Variants in PIK3C2G observed in about 807,000 individuals in gnomAD.
PIK3C2G encodes phosphatidylinositol-4-phosphate 3-kinase catalytic subunit type 2 gamma, also known as phosphatidylinositol 3-kinase C2 domain-containing subunit gamma.
Under a neutral mutation model 181.1 loss-of-function variants are expected in PIK3C2G, and 168 were observed. That is an observed-to-expected ratio of 0.93 (90% CI 0.82 to 1.05). The LOEUF is 1.05. Ranked by LOEUF, PIK3C2G falls within the 50% of genes least tolerant of loss-of-function variation. The pLI, the probability that PIK3C2G is intolerant of heterozygous loss-of-function variation, is 0.00. For missense variants in PIK3C2G, 1,869 were observed against 1,732.8 expected, an observed-to-expected ratio of 1.08 and a Z score of -1.40; for synonymous variants, 573 against 592.2, an observed-to-expected ratio of 0.97 and a Z score of 0.47.
the PIK3C2G span, among the ~76,000 whole-genome samples, chr12:18,719,202 T>C: frequency 1.3e-5 from 2 of 152,034 alleles, no homozygotes; most frequent in Non-Finnish European, 2.9e-5. Context: ...GGTTAACAGG[T>C]GGGATTAGAA....
At chr12:18,701,689 T>G in the PIK3C2G span, 22 of 1,610,370 alleles carry the variant, frequency 1.4e-5, no homozygotes, top group Non-Finnish European at 1.9e-5. Context: ...TCCTCCACCT[T>G]ACCACGCTTA....
chr12:18,620,566 A>G (rs990479970), intron 31 of PIK3C2G, among the ~76,000 whole-genome samples: 2 of 149,832 alleles, frequency 1.3e-5, no homozygotes, highest in African/African-American at 4.9e-5. Context: ...AGATAGATAG[A>G]TAGGTAACCA....
chr12:18,367,504 A>C (rs536419785), intron 12 of PIK3C2G, among the ~76,000 whole-genome samples: 2 of 152,190 alleles, frequency 1.3e-5, no homozygotes, highest in East Asian at 3.9e-4. Flanking sequence ...CAGTTCTCAC[A>C]GTGTCATAAA....
chr12:18,538,653 CTA>C (rs1943992775), intron 25 of PIK3C2G, among the ~76,000 whole-genome samples: 1 of 151,888 alleles, frequency 6.6e-6, no homozygotes, highest in African/African-American at 2.4e-5. Context: ...CTTATATATA[CTA>C]TCTCATTTAT....
At chr12:18,533,407 T>G (rs1424206600) in intron 24 of PIK3C2G, among the ~76,000 whole-genome samples, 1 of 152,046 alleles carries the variant, frequency 6.6e-6, no homozygotes, top group African/African-American at 2.4e-5. Context: ...TATCGTGAAA[T>G]CCTATTGATT....
the PIK3C2G span, chr12:18,694,825 A>T: frequency 9.2e-7 from 1 of 1,081,224 alleles, no homozygotes; most frequent in Non-Finnish European, 1.3e-6. Context: ...AAATTGAAGC[A>T]AATCAGTGGA....
intron 16 of PIK3C2G, among the ~76,000 whole-genome samples, chr12:18,406,044 C>T (rs1257823943): frequency 6.6e-6 from 1 of 152,180 alleles, no homozygotes; most frequent in Non-Finnish European, 1.5e-5. Context: ...TTTCTCCTCT[C>T]CCCAAAGCCT....
At chr12:18,506,723 A>C (rs1301500540) in intron 24 of PIK3C2G, among the ~76,000 whole-genome samples, 1 of 152,248 alleles carries the variant, frequency 6.6e-6, no homozygotes. Flanking sequence ...TAAGGAAATC[A>C]GAAGTTGAAC....
chr12:18,271,102 T>G (rs868030073), intron 1 of PIK3C2G, among the ~76,000 whole-genome samples: 2 of 152,108 alleles, frequency 1.3e-5, no homozygotes, highest in Admixed American at 6.5e-5. Context: ...TACCAAGGAA[T>G]AGGAGACAGG....
the PIK3C2G span, among the ~76,000 whole-genome samples, chr12:18,707,021 A>G: frequency 6.6e-6 from 1 of 151,892 alleles, no homozygotes; most frequent in Admixed American, 6.6e-5. Context: ...CATCTCTCTA[A>G]TCTCTGTCCC....
chr12:18,311,181 T>C lies in PIK3C2G; in HGVS notation c.1035-2781T>C, dbSNP rs574038088. 7.3e-4 allele frequency among the ~76,000 whole-genome samples: 111 copies of C among 151,982 alleles called. 2 individuals carry two copies. The highest frequency in any genetic ancestry group is 4.4e-3 in the South Asian group (21 of 4,820). Reference sequence around the variant, plus strand: ...CAAATCTGATAATTATGGTGCCAGATTCCACCATATACACACACATACAGA... The same window carrying C: ...CAAATCTGATAATTATGGTGCCAGACTCCACCATATACACACACATACAGA... On this transcript the variant is annotated intron_variant, in intron 5 of 32. Transcript: ENST00000538779.
At chr12:18,268,082 C>T (rs1948584762) in intron 1 of PIK3C2G, among the ~76,000 whole-genome samples, 1 of 152,114 alleles carries the variant, frequency 6.6e-6, no homozygotes, top group African/African-American at 2.4e-5. Flanking sequence ...GGAAAATGAA[C>T]CATTTCTTTA....
chr12:18,272,399 A>G (rs1186959017), intron 1 of PIK3C2G, among the ~76,000 whole-genome samples: 1 of 152,152 alleles, frequency 6.6e-6, no homozygotes. Flanking sequence ...AGGAAGCACA[A>G]AACACCTGGC....
chr12:18,575,264 C>G (rs886726536), intron 29 of PIK3C2G, among the ~76,000 whole-genome samples: 1 of 152,082 alleles, frequency 6.6e-6, no homozygotes, highest in African/African-American at 2.4e-5. Flanking sequence ...CACCTTGAAA[C>G]TGATATAAGA....
intron 29 of PIK3C2G, among the ~76,000 whole-genome samples, chr12:18,571,516 T>G (rs966932707): frequency 6.6e-6 from 1 of 151,018 alleles, no homozygotes; most frequent in East Asian, 1.9e-4. Context: ...GCTTTATATA[T>G]TTTGTGACTG....
the PIK3C2G span, among the ~76,000 whole-genome samples, chr12:18,689,106 A>G: frequency 6.6e-6 from 1 of 152,124 alleles, no homozygotes; most frequent in South Asian, 2.1e-4. Flanking sequence ...AGCAATCAGC[A>G]TGGAATGGGC....
chr12:18,452,023 T>C (rs1232848433), intron 18 of PIK3C2G, among the ~76,000 whole-genome samples: 1 of 152,236 alleles, frequency 6.6e-6, no homozygotes, highest in African/African-American at 2.4e-5. Context: ...GATATTGGCC[T>C]GAAATTTTCT....
chr12:18,478,744 A>G (rs975036080), intron 18 of PIK3C2G, among the ~76,000 whole-genome samples: 2 of 152,126 alleles, frequency 1.3e-5, no homozygotes, highest in Non-Finnish European at 2.9e-5. Flanking sequence ...TTGGGAGGCC[A>G]AGGCCAGATC....
At chr12:18,327,036 C>T (rs550287684) in intron 8 of PIK3C2G, among the ~76,000 whole-genome samples, 7 of 152,106 alleles carry the variant, frequency 4.6e-5, no homozygotes, top group African/African-American at 1.7e-4. Context: ...AAATGATTGA[C>T]TATTGTAAAT....
Sources: gnomAD v4.1 joint callset for allele counts (sites outside exome capture counted in the v4.1 genomes callset) on GRCh38, gnomAD v4.1.1 for gene constraint, MANE v1.5 for transcripts, NCBI Gene and HGNC (gene_info 2026-07-23, HGNC 2026-07-21) for gene names.